The following RTKN2 variants were observed in gnomAD, a reference collection of about 807,000 sequenced individuals.
RTKN2 encodes rhotekin 2, also known as rhotekin-2.
Under a neutral mutation model 71.5 loss-of-function variants are expected in RTKN2, and 69 were observed. The ratio of observed to expected loss-of-function variants is 0.96; its 90% CI spans 0.79 to 1.18. The LOEUF is 1.18. Among genes scored for constraint, RTKN2 ranks in the 50% most tolerant of loss-of-function variants. The pLI, the probability that RTKN2 is intolerant of heterozygous loss-of-function variation, is 0.00. For synonymous variants in RTKN2, 236 were observed against 236.5 expected (o/e 1.00, Z 0.02); for missense variants, 724 against 719.7 (o/e 1.01, Z -0.07).
exon 9 of RTKN2, chr10:62,184,104 G>A: frequency 2.2e-6 from 1 of 451,248 alleles, no homozygotes. Flanking sequence ...GGTAAACACT[G>A]AATGGAAAAT....
chr10:62,223,027 C>G (rs1366478176), intron 7 of RTKN2, among the ~76,000 whole-genome samples: 2 of 152,242 alleles, frequency 1.3e-5, no homozygotes, highest in East Asian at 3.9e-4. Flanking sequence ...TGAGACCCTT[C>G]TTTTCCCACT....
intron 7 of RTKN2, among the ~76,000 whole-genome samples, chr10:62,222,204 G>C (rs1446812813): frequency 1.3e-5 from 2 of 152,204 alleles, no homozygotes; most frequent in East Asian, 3.9e-4. Flanking sequence ...GAACTTCTGG[G>C]GTCAGGCGAT....
At chr10:62,233,537 C>A (rs888130925) in intron 6 of RTKN2, among the ~76,000 whole-genome samples, 2 of 151,572 alleles carry the variant, frequency 1.3e-5, no homozygotes, top group South Asian at 4.2e-4. Context: ...GACTGATTCA[C>A]GGGTCATGAA....
intron 7 of RTKN2, among the ~76,000 whole-genome samples, chr10:62,222,211 C>T (rs888927480): frequency 4.6e-5 from 7 of 152,108 alleles, no homozygotes; most frequent in Non-Finnish European, 1.0e-4. Context: ...TGGGGTCAGG[C>T]GATCCTCCTA....
At chr10:62,228,816 T>A (rs1842088022) in intron 6 of RTKN2, among the ~76,000 whole-genome samples, 1 of 152,036 alleles carries the variant, frequency 6.6e-6, no homozygotes, top group African/African-American at 2.4e-5. Flanking sequence ...GCTGGCAGAT[T>A]TGGTGGATGG....
intron 6 of RTKN2, among the ~76,000 whole-genome samples, chr10:62,226,969 C>A (rs151202269): frequency 7.9e-5 from 12 of 152,100 alleles, no homozygotes; most frequent in African/African-American, 2.7e-4. Flanking sequence ...AAAAAAATAA[C>A]TAGAAGGGGG....
At chr10:62,218,615 TAA>T (rs35259429) in intron 7 of RTKN2, among the ~76,000 whole-genome samples, 111,286 of 151,916 alleles carry the variant, frequency 0.73, 41,019 homozygotes, top group East Asian at 0.9. Flanking sequence ...TCAGAGAATA[TAA>T]GTGATCTCAT....
At chr10:62,218,477 G>A (rs1310387962) in intron 7 of RTKN2, among the ~76,000 whole-genome samples, 176 bp from the exon 8 acceptor site, 1 of 152,104 alleles carries the variant, frequency 6.6e-6, no homozygotes, top group Non-Finnish European at 1.5e-5. Context: ...CATATTAAGT[G>A]AGAAAATCAA....
chr10:62,249,302 T>C (rs922689992), intron 2 of RTKN2, among the ~76,000 whole-genome samples: 3 of 151,634 alleles, frequency 2.0e-5, no homozygotes, highest in Admixed American at 2.0e-4. Context: ...CACTGATTAG[T>C]ATTGTTTTTA....
intron 6 of RTKN2, among the ~76,000 whole-genome samples, chr10:62,231,417 A>C (rs1476356588): frequency 6.6e-6 from 1 of 152,194 alleles, no homozygotes; most frequent in Non-Finnish European, 1.5e-5. Flanking sequence ...AAAAATGTTC[A>C]CTGTCTTCTT....
intron 10 of RTKN2, among the ~76,000 whole-genome samples, chr10:62,201,059 T>C (rs1209359753): frequency 3.9e-5 from 6 of 152,190 alleles, no homozygotes; most frequent in African/African-American, 1.2e-4. Flanking sequence ...ATAGCAACTA[T>C]GCTAGTTCCT....
chr10:62,209,451 CATTATT>C (rs1292293833), intron 9 of RTKN2, among the ~76,000 whole-genome samples: 10 of 151,540 alleles, frequency 6.6e-5, no homozygotes, highest in African/African-American at 1.5e-4. Context: ...CCAACATATT[CATTATT>C]ATTATTATTA....
At chr10:62,228,570 A>C (rs1390870630) in intron 6 of RTKN2, among the ~76,000 whole-genome samples, 1 of 152,244 alleles carries the variant, frequency 6.6e-6, no homozygotes, top group Non-Finnish European at 1.5e-5. Flanking sequence ...ATGAAATAAA[A>C]AATTATTTTC....
chr10:62,239,586 T>C, intron 5 of RTKN2, 62 bp downstream of exon 5: 1 of 750,372 alleles, frequency 1.3e-6, no homozygotes, highest in Non-Finnish European at 2.1e-6. Context: ...TAATAAGAAC[T>C]TTCTTTTAAA....
At chr10:62,218,157 G>T in intron 8 of RTKN2, 38 bp downstream of exon 8, 1 of 1,264,622 alleles carries the variant, frequency 7.9e-7, no homozygotes, top group South Asian at 1.3e-5. Flanking sequence ...ATTTAAAGTA[G>T]AGCTACAATT....
intron 9 of RTKN2, among the ~76,000 whole-genome samples, chr10:62,205,951 C>A (rs1841540184): frequency 6.6e-6 from 1 of 152,098 alleles, no homozygotes; most frequent in Non-Finnish European, 1.5e-5. Context: ...TAGGGCAATG[C>A]TGTCCAGTAT....
intron 4 of RTKN2, among the ~76,000 whole-genome samples, chr10:62,240,520 A>C (rs1244129961): frequency 3.3e-5 from 5 of 152,162 alleles, no homozygotes; most frequent in African/African-American, 1.2e-4. Flanking sequence ...TTCATATAAA[A>C]CTAATTGTGC....
downstream of RTKN2, among the ~76,000 whole-genome samples, chr10:62,192,056 T>TA (rs1295202373): frequency 6.6e-5 from 10 of 150,578 alleles, no homozygotes; most frequent in African/African-American, 2.5e-4. Context: ...GGTTTTTTTT[T>TA]ATCTTAAACA....
rs138041769 is a variant in RTKN2, at chr10:62,254,764, A to G, written c.257+7861T>C. Among the ~76,000 whole-genome samples, 3 of 152,140 alleles carry G rather than the reference A, an allele frequency of 2.0e-5. No individual in the cohort carries two copies. In the East Asian group the frequency reaches 5.8e-4, roughly 29 times the overall value. ...AGATCAGCCTGGGCAAGATAGCAAG[A>G]CCCTGTTTCTACAAAATAAAAAAAT... On this transcript the variant is annotated intron_variant, in intron 2 of 11. Coordinates refer to ENST00000373789, the MANE Select transcript of RTKN2 (RefSeq NM_145307.4).
Sources: gnomAD v4.1 joint callset for allele counts (sites outside exome capture counted in the v4.1 genomes callset) on GRCh38, gnomAD v4.1.1 for gene constraint, MANE v1.5 for transcripts, NCBI Gene and HGNC (gene_info 2026-07-23, HGNC 2026-07-21) for gene names.